The following PPP1R12A variants were observed in gnomAD, a reference collection of about 807,000 sequenced individuals.
PPP1R12A encodes the protein protein phosphatase 1 regulatory subunit 12A.
In PPP1R12A, 19 loss-of-function variants were observed where a neutral mutation model predicts 139.6. That is an observed-to-expected ratio of 0.14 (90% confidence interval 0.09 to 0.20). The LOEUF is 0.20. Among genes scored for constraint, PPP1R12A ranks in the 10% least tolerant of loss-of-function variants. The pLI, the probability that PPP1R12A is intolerant of heterozygous loss-of-function variation, is 1.00. For synonymous variants in PPP1R12A, 427 were observed against 420.6 expected, an observed-to-expected ratio of 1.02 and a Z score of -0.19; for missense variants, 925 against 1,211.5, an observed-to-expected ratio of 0.76 and a Z score of 3.51.
chr12:79,895,091 G>T (rs981180419), intron 1 of PPP1R12A, among the ~76,000 whole-genome samples: 2 of 152,078 alleles, frequency 1.3e-5, no homozygotes, highest in Non-Finnish European at 2.9e-5. Context: ...TATGAGTAAT[G>T]ATTATTTCCC....
chr12:79,805,905 T>C (rs1469911746), intron 13 of PPP1R12A, 137 bp from the exon 14 acceptor site: 1 of 1,049,980 alleles, frequency 9.5e-7, no homozygotes. Context: ...CCTTAAATTA[T>C]GAACCAAAAA....
chr12:79,802,647 A>C (rs1873329650), intron 14 of PPP1R12A, among the ~76,000 whole-genome samples: 1 of 152,018 alleles, frequency 6.6e-6, no homozygotes, highest in African/African-American at 2.4e-5. Flanking sequence ...GCTGGGTGTG[A>C]TGGCACACCT....
chr12:79,783,482 A>G (rs1870738247), intron 22 of PPP1R12A, among the ~76,000 whole-genome samples: 1 of 152,072 alleles, frequency 6.6e-6, no homozygotes, highest in Non-Finnish European at 1.5e-5. Flanking sequence ...AAAAAAAATA[A>G]TAATTCAAAT....
chr12:79,869,378 T>C (rs1193564288), intron 2 of PPP1R12A, among the ~76,000 whole-genome samples: 1 of 152,236 alleles, frequency 6.6e-6, no homozygotes, highest in Non-Finnish European at 1.5e-5. Context: ...TAAACTAATC[T>C]AGGCTTAACT....
intron 2 of PPP1R12A, among the ~76,000 whole-genome samples, chr12:79,856,791 T>C (rs901147096): frequency 2.0e-5 from 3 of 152,236 alleles, no homozygotes; most frequent in Admixed American, 2.0e-4. Flanking sequence ...TGACAGGCAT[T>C]AACAGGTAGA....
intron 1 of PPP1R12A, among the ~76,000 whole-genome samples, chr12:79,895,487 C>CA (rs1300978875): frequency 3.3e-5 from 5 of 151,620 alleles, no homozygotes; most frequent in Admixed American, 3.3e-4. Flanking sequence ...ACTATAGAAC[C>CA]AAAAAAGGGG....
At chr12:79,921,893 C>T (rs1887468182) in intron 1 of PPP1R12A, among the ~76,000 whole-genome samples, 1 of 152,216 alleles carries the variant, frequency 6.6e-6, no homozygotes, top group African/African-American at 2.4e-5. Flanking sequence ...AATTGCTTCT[C>T]TGAGTGAAAT....
chr12:79,839,044 T>C (rs1244821273), intron 3 of PPP1R12A, among the ~76,000 whole-genome samples: 2 of 152,170 alleles, frequency 1.3e-5, no homozygotes, highest in Admixed American at 1.3e-4. Context: ...AGTGGGGCTG[T>C]ACCCTGCAAA....
At chr12:79,921,408 G>A (rs1223545916) in intron 1 of PPP1R12A, among the ~76,000 whole-genome samples, 1 of 152,018 alleles carries the variant, frequency 6.6e-6, no homozygotes, top group Non-Finnish European at 1.5e-5. Flanking sequence ...CTGACAAAAA[G>A]GTACACTAAA....
In PPP1R12A at chr12:79,872,793, A is replaced by C. The variant is rs759773137; in HGVS notation, c.368+15T>G. On this transcript the variant is annotated intron_variant, in intron 2 of 24. Coordinates refer to ENST00000450142, the MANE Select transcript of PPP1R12A (RefSeq NM_002480.3). ...AACAGTATTAGAATAAAATGAAAAC[A>C]CAGAACTGGCTTACTCTGCAATATC... The C allele has an allele frequency of 5.0e-6, 8 of 1,611,954 alleles. No homozygotes were observed. In the South Asian group the frequency reaches 8.8e-5, roughly 18 times the overall value.
chr12:79,848,627 G>T (rs982515039), intron 2 of PPP1R12A, among the ~76,000 whole-genome samples: 1 of 152,112 alleles, frequency 6.6e-6, no homozygotes. Flanking sequence ...TGAGCCAAAA[G>T]ATTACGTACG....
intron 3 of PPP1R12A, among the ~76,000 whole-genome samples, chr12:79,841,785 A>G (rs1429544163): frequency 6.6e-6 from 1 of 152,212 alleles, no homozygotes; most frequent in Non-Finnish European, 1.5e-5. Context: ...GATGCTTTAT[A>G]CTTATTCTTT....
intron 5 of PPP1R12A, 91 bp downstream of exon 5, chr12:79,828,229 C>A: frequency 8.9e-7 from 1 of 1,123,994 alleles, no homozygotes; most frequent in Non-Finnish European, 1.2e-6. Flanking sequence ...TAATGTAATC[C>A]TTATAACCTT....
intron 1 of PPP1R12A, 59 bp downstream of exon 1, chr12:79,934,636 G>C: frequency 1.4e-6 from 2 of 1,430,024 alleles, no homozygotes; most frequent in Non-Finnish European, 1.9e-6. Flanking sequence ...GGGCAGGCCC[G>C]AGCAGGAGGC....
At chr12:79,851,739 T>C (rs772114063) in intron 2 of PPP1R12A, among the ~76,000 whole-genome samples, 22 of 152,214 alleles carry the variant, frequency 1.4e-4, no homozygotes, top group Non-Finnish European at 2.2e-4. Context: ...GCCCTCTTTC[T>C]CCACTTCTTC....
chr12:79,840,586 A>T (rs993988676), intron 3 of PPP1R12A, among the ~76,000 whole-genome samples: 1 of 152,142 alleles, frequency 6.6e-6, no homozygotes, highest in Non-Finnish European at 1.5e-5. Context: ...CACTTCTTCA[A>T]CTGGAAACTT....
At chr12:79,794,992 A>G (rs1176768648) in intron 18 of PPP1R12A, among the ~76,000 whole-genome samples, 1 of 151,816 alleles carries the variant, frequency 6.6e-6, no homozygotes, top group Non-Finnish European at 1.5e-5. Context: ...CATGGGGGCA[A>G]TCTACACTGC....
rs1306684315 is a variant in PPP1R12A, at chr12:79,931,646, T to C, written c.237+3049A>G. ...GAGATATAATCACATACTGTAAAAC[T>C]CTACCAGGTAGCTATAAAATCAGAA... On this transcript the variant is annotated intron_variant, in intron 1 of 24. Coordinates refer to ENST00000450142, the MANE Select transcript of PPP1R12A (RefSeq NM_002480.3). 2.6e-5 allele frequency among the ~76,000 whole-genome samples: 4 copies of C among 152,320 alleles called. No homozygotes were observed. In the East Asian group the frequency reaches 7.7e-4, roughly 29 times the overall value.
chr12:79,828,108 C>T, intron 5 of PPP1R12A: 1 of 329,858 alleles, frequency 3.0e-6, no homozygotes, highest in Non-Finnish European at 5.3e-6. Flanking sequence ...TCTTTCTTTG[C>T]AGTACAAGGC....
Sources: allele counts gnomAD v4.1 joint callset (sites outside exome capture counted in the v4.1 genomes callset), GRCh38; gene constraint gnomAD v4.1.1; transcripts MANE v1.5; gene names NCBI Gene and HGNC (gene_info 2026-07-23, HGNC 2026-07-21).